The following PAK5 variants were observed in gnomAD, a reference collection of about 807,000 sequenced individuals.
PAK5 encodes the protein p21 (RAC1) activated kinase 5, also known as serine/threonine-protein kinase PAK 5.
A neutral mutation model predicts 65.9 loss-of-function variants in PAK5; 16 were observed. The observed-to-expected ratio is 0.24, with a 90% CI of 0.16 to 0.37. The LOEUF (loss-of-function observed/expected upper bound fraction) is 0.37, where lower values mean the gene tolerates loss of function less well. Among genes scored for constraint, PAK5 ranks in the 10% least tolerant of loss-of-function variants. PAK5 has a pLI of 1.00. For missense variants in PAK5, 785 were observed against 903.9 expected, an observed-to-expected ratio of 0.87 and a Z score of 1.69; for synonymous variants, 371 against 354.9, an observed-to-expected ratio of 1.05 and a Z score of -0.51.
In PAK5 at chr20:9,828,544, C is replaced by T. The variant is rs28727941; in HGVS notation, c.-162+10218G>A. ...ACAAATAAAGTGTGAATTTTCTATT[C>T]TTCCAGAAAGTTCACTTCCTGGGTC... On this transcript the variant is annotated intron_variant, in intron 1 of 9. Coordinates refer to ENST00000353224, the MANE Select transcript of PAK5 (RefSeq NM_177990.4). Among the ~76,000 whole-genome samples, 75 of 152,278 alleles carry T rather than the reference C, an allele frequency of 4.9e-4. 1 individual carries two copies. Among genetic ancestry groups the T allele is most frequent in the African/African-American group, 1.7e-3 (70 of 41,556 alleles).
chr20:9,711,272 A>G lies in PAK5; in HGVS notation c.-12+14T>C, dbSNP rs763140436. 1 of 152,172 alleles carries G rather than the reference A, an allele frequency of 6.6e-6. No homozygotes were observed. Among genetic ancestry groups the G allele is most frequent in the Non-Finnish European group, 1.5e-5 (1 of 68,032 alleles). 9.4% of individuals were successfully genotyped at this position (152,172 alleles called of 1,614,324 possible). A position where few individuals can be genotyped will look rare whatever the true frequency, so the allele number is the denominator to read the frequency against. On this transcript the variant is annotated intron_variant, in intron 2 of 9. Coordinates refer to ENST00000353224, the MANE Select transcript of PAK5 (RefSeq NM_177990.4). The stretch of plus-strand genomic sequence containing the variant: ...TTTAAAAGGACAAAACCATAAGGTA[A>G]TTTATTCCCCTACCTTTATATGATG...
intron 2 of PAK5, among the ~76,000 whole-genome samples, chr20:9,669,016 C>G (rs187205199): frequency 1.7e-3 from 265 of 152,252 alleles, no homozygotes; most frequent in Non-Finnish European, 3.5e-3. Context: ...TAATGGAACA[C>G]AAAATCCAAC....
chr20:9,803,772 A>C (rs1481147912), intron 1 of PAK5, among the ~76,000 whole-genome samples: 7 of 152,152 alleles, frequency 4.6e-5, no homozygotes, highest in African/African-American at 1.4e-4. Flanking sequence ...GAATCCATTA[A>C]ATTCACTTTT....
At chr20:9,647,779 C>T (rs2047152436) in intron 2 of PAK5, among the ~76,000 whole-genome samples, 1 of 152,088 alleles carries the variant, frequency 6.6e-6, no homozygotes, top group Non-Finnish European at 1.5e-5. Flanking sequence ...AAGGAAAACA[C>T]AAAACAGCTC....
chr20:9,608,817 CAGT>C (rs2046503572), intron 3 of PAK5, among the ~76,000 whole-genome samples: 1 of 152,220 alleles, frequency 6.6e-6, no homozygotes, highest in Non-Finnish European at 1.5e-5. Flanking sequence ...CTATTATCAG[CAGT>C]AGATTGGCCC....
rs148421746 is a variant in PAK5 at position 9,652,467 on chromosome 20, T to C, written c.-11-8128A>G. 1.6e-4 allele frequency among the ~76,000 whole-genome samples: 25 copies of C among 152,366 alleles called. No individual in the cohort carries two copies. In the East Asian group the frequency reaches 4.4e-3, roughly 27 times the overall value. ...AAATCATTATGTGTCAAAGTTGTTATAAATGACATAGTTTCCTTTCCTTGG... is the reference window on the plus strand; with the variant it reads ...AAATCATTATGTGTCAAAGTTGTTACAAATGACATAGTTTCCTTTCCTTGG... On this transcript the variant is annotated intron_variant, in intron 2 of 9. Transcript: ENST00000353224.
chr20:9,586,611 T>C (rs1196866970), intron 3 of PAK5, among the ~76,000 whole-genome samples: 1 of 152,160 alleles, frequency 6.6e-6, no homozygotes, highest in Non-Finnish European at 1.5e-5. Flanking sequence ...TCATTAATCG[T>C]GCTATAAATA....
At chr20:9,646,223 G>A (rs1188685090) in intron 2 of PAK5, among the ~76,000 whole-genome samples, 2 of 152,154 alleles carry the variant, frequency 1.3e-5, no homozygotes, top group Non-Finnish European at 2.9e-5. Flanking sequence ...TGTGTGGTAA[G>A]CAGGGTCTTC....
At chr20:9,718,556 A>G (rs2048177503) in intron 1 of PAK5, among the ~76,000 whole-genome samples, 1 of 152,036 alleles carries the variant, frequency 6.6e-6, no homozygotes, top group African/African-American at 2.4e-5. Flanking sequence ...TTCTAGCCAA[A>G]TAAACTCCAA....
intron 3 of PAK5, among the ~76,000 whole-genome samples, chr20:9,635,186 A>C (rs2046968850): frequency 6.6e-6 from 1 of 152,200 alleles, no homozygotes. Flanking sequence ...GATAATCATT[A>C]AGTTGGAAGA....
At chr20:9,710,536 C>A (rs2048065153) in intron 2 of PAK5, among the ~76,000 whole-genome samples, 1 of 152,132 alleles carries the variant, frequency 6.6e-6, no homozygotes, top group Non-Finnish European at 1.5e-5. Context: ...CTTTCAAATT[C>A]ATCCATCTCC....
chr20:9,754,671 C>A (rs2048613796), intron 1 of PAK5, among the ~76,000 whole-genome samples: 1 of 152,132 alleles, frequency 6.6e-6, no homozygotes, highest in South Asian at 2.1e-4. Flanking sequence ...CAGTCTGGTT[C>A]ATAGGCAAGA....
At chr20:9,796,633 A>C (rs1421939929) in intron 1 of PAK5, among the ~76,000 whole-genome samples, 1 of 152,144 alleles carries the variant, frequency 6.6e-6, no homozygotes, top group East Asian at 1.9e-4. Context: ...CTGCAGGAAA[A>C]AAGGATTGAA....
intron 2 of PAK5, among the ~76,000 whole-genome samples, chr20:9,684,307 A>C (rs2047689225): frequency 6.6e-6 from 1 of 152,224 alleles, no homozygotes. Flanking sequence ...TTATGGTTCC[A>C]GGATGCACAC....
intron 3 of PAK5, among the ~76,000 whole-genome samples, chr20:9,612,341 C>T (rs886340977): frequency 3.3e-5 from 5 of 152,124 alleles, no homozygotes; most frequent in Admixed American, 3.3e-4. Context: ...TATAAAGAAA[C>T]ACCTGAGACT....
intron 1 of PAK5, among the ~76,000 whole-genome samples, chr20:9,751,997 T>C (rs6118716): frequency 0.57 from 86,420 of 151,886 alleles, 25,200 homozygotes; most frequent in African/African-American, 0.69. Context: ...ATAGATATTG[T>C]CTTTGACTTT....
chr20:9,801,326 T>G (rs2049166067), intron 1 of PAK5, among the ~76,000 whole-genome samples: 1 of 151,954 alleles, frequency 6.6e-6, no homozygotes, highest in South Asian at 2.1e-4. Flanking sequence ...TCAAAATATT[T>G]ATATAGATAT....
intron 1 of PAK5, among the ~76,000 whole-genome samples, chr20:9,804,545 T>C (rs2049208546): frequency 6.6e-6 from 1 of 152,118 alleles, no homozygotes; most frequent in African/African-American, 2.4e-5. Flanking sequence ...TACCACCTCA[T>C]ACAATATACA....
At chr20:9,655,112 C>T (rs971531353) in intron 2 of PAK5, among the ~76,000 whole-genome samples, 2 of 152,290 alleles carry the variant, frequency 1.3e-5, no homozygotes, top group South Asian at 2.1e-4. Flanking sequence ...AGTTCACCAC[C>T]CTGTAGGCAG....
Sources: gnomAD v4.1 joint callset for allele counts (sites outside exome capture counted in the v4.1 genomes callset) on GRCh38, gnomAD v4.1.1 for gene constraint, MANE v1.5 for transcripts, NCBI Gene and HGNC (gene_info 2026-07-23, HGNC 2026-07-21) for gene names.